The following FBXW7 variants were observed in gnomAD, a reference collection of about 807,000 sequenced individuals.
FBXW7 encodes F-box/WD repeat-containing protein 7.
A neutral mutation model predicts 86.3 loss-of-function variants in FBXW7; 11 were observed. The ratio of observed to expected loss-of-function variants is 0.13; its 90% CI spans 0.08 to 0.21. The LOEUF (loss-of-function observed/expected upper bound fraction) is 0.21. Among genes scored for constraint, FBXW7 ranks in the 10% least tolerant of loss-of-function variants. The probability of loss-of-function intolerance (pLI) is 1.00; values close to 1 mark genes in which losing one functional copy is unlikely to be tolerated. For synonymous variants in FBXW7, 313 were observed against 297.9 expected, an observed-to-expected ratio of 1.05 and a Z score of -0.52; for missense variants, 488 against 847.4, an observed-to-expected ratio of 0.58 and a Z score of 5.27.
chr4:152,518,542 T>G (rs535866173), intron 2 of FBXW7, among the ~76,000 whole-genome samples: 1 of 152,072 alleles, frequency 6.6e-6, no homozygotes, highest in South Asian at 2.1e-4. Context: ...AGCAATCCTT[T>G]TGCCTCAGCC....
At chr4:152,390,526 C>A (rs1173442934) in intron 4 of FBXW7, among the ~76,000 whole-genome samples, 1 of 152,030 alleles carries the variant, frequency 6.6e-6, no homozygotes, top group Non-Finnish European at 1.5e-5. Context: ...ACAGTAATTA[C>A]AGGTATTTCA....
chr4:152,366,892 A>G (rs945142136), intron 4 of FBXW7, among the ~76,000 whole-genome samples: 27 of 152,202 alleles, frequency 1.8e-4, no homozygotes, highest in Non-Finnish European at 2.9e-4. Context: ...TCCATCAATG[A>G]TAGACTGGAT....
intron 4 of FBXW7, among the ~76,000 whole-genome samples, chr4:152,368,535 G>T (rs149871847): frequency 2.0e-5 from 3 of 152,046 alleles, no homozygotes; most frequent in African/African-American, 7.2e-5. Flanking sequence ...TTGTGAATCA[G>T]TTCTTTAAAT....
chr4:152,361,309 A>G (rs1732916356), intron 4 of FBXW7, among the ~76,000 whole-genome samples: 1 of 152,198 alleles, frequency 6.6e-6, no homozygotes, highest in Non-Finnish European at 1.5e-5. Flanking sequence ...CATTTTTAAA[A>G]CATTAATTTA....
intron 2 of FBXW7, among the ~76,000 whole-genome samples, chr4:152,508,308 A>G (rs542809341): frequency 2.0e-5 from 3 of 152,310 alleles, no homozygotes; most frequent in African/African-American, 7.2e-5. Context: ...ATACATAACA[A>G]GGGAAAGTTC....
At chr4:152,337,132 T>C (rs1439019060) in intron 7 of FBXW7, among the ~76,000 whole-genome samples, 1 of 151,914 alleles carries the variant, frequency 6.6e-6, no homozygotes, top group Non-Finnish European at 1.5e-5. Context: ...TGAATGCCCA[T>C]ATAATCAGTC....
chr4:152,494,905 A>G (rs577215866), intron 2 of FBXW7, among the ~76,000 whole-genome samples: 33 of 152,320 alleles, frequency 2.2e-4, no homozygotes, highest in Middle Eastern at 6.8e-3. Flanking sequence ...TTGATGAAGA[A>G]ACAAATATAA....
chr4:152,514,590 T>C (rs1395196506), intron 2 of FBXW7, among the ~76,000 whole-genome samples: 1 of 152,152 alleles, frequency 6.6e-6, no homozygotes, highest in Non-Finnish European at 1.5e-5. Flanking sequence ...CATAAACAGC[T>C]TGTGCTATCC....
chr4:152,377,218 T>C lies in FBXW7; in HGVS notation c.502-27094A>G, dbSNP rs141914737. On this transcript the variant is annotated intron_variant, in intron 4 of 13. Coordinates refer to ENST00000281708, the MANE Select transcript of FBXW7 (RefSeq NM_001349798.2). ...GAGATTAAATACCAGCGTTCCGAACTACCTGGAAAACTGGGAGAGTTATTC... is the reference window on the plus strand; with the variant it reads ...GAGATTAAATACCAGCGTTCCGAACCACCTGGAAAACTGGGAGAGTTATTC... Among the ~76,000 whole-genome samples the C allele has an allele frequency of 1.7e-3, 254 of 152,322 alleles. 1 individual carries two copies. Among genetic ancestry groups the C allele is most frequent in the African/African-American group, 5.8e-3 (243 of 41,588 alleles).
Position 152,352,954 on chromosome 4 carries a change from G to A in FBXW7, c.502-2830C>T, listed in dbSNP as rs1731996071. The stretch of plus-strand genomic sequence containing the variant: ...TATGGTGATCCGCTCCAGGGAACCC[G>A]TAAGAACACAACGCACTGAACAGAG... On this transcript the variant is annotated intron_variant, in intron 4 of 13. Coordinates refer to ENST00000281708, the MANE Select transcript of FBXW7 (RefSeq NM_001349798.2). 5.0e-6 allele frequency: 7 copies of A among 1,394,228 alleles called. No homozygotes were observed. In the South Asian group the frequency reaches 8.4e-5, roughly 17 times the overall value. 86.4% of individuals were successfully genotyped at this position (1,394,228 alleles called of 1,614,324 possible).
intron 2 of FBXW7, among the ~76,000 whole-genome samples, chr4:152,434,958 TC>T (rs11321808): frequency 0.49 from 63,038 of 129,024 alleles, 15,422 homozygotes; most frequent in African/African-American, 0.7. Flanking sequence ...TTCCCCCCGC[TC>T]CCCCCCCCCC....
At chr4:152,482,978 T>G (rs1745014529) in intron 2 of FBXW7, among the ~76,000 whole-genome samples, 1 of 152,132 alleles carries the variant, frequency 6.6e-6, no homozygotes, top group Non-Finnish European at 1.5e-5. Flanking sequence ...TGTGGGATAT[T>G]TTGCCATACC....
chr4:152,470,736 C>A (rs1253524931), intron 2 of FBXW7, among the ~76,000 whole-genome samples: 1 of 152,048 alleles, frequency 6.6e-6, no homozygotes, highest in East Asian at 1.9e-4. Context: ...ATTTATGAAG[C>A]TCTTCTTGTC....
At chr4:152,387,836 G>A (rs981860213) in intron 4 of FBXW7, among the ~76,000 whole-genome samples, 1 of 150,466 alleles carries the variant, frequency 6.6e-6, no homozygotes, top group African/African-American at 2.4e-5. Context: ...AGTCTCCTGA[G>A]CAGCTGGGAT....
intron 2 of FBXW7, among the ~76,000 whole-genome samples, chr4:152,470,380 TTCTGGTATC>T (rs1416880067): frequency 6.6e-6 from 1 of 152,116 alleles, no homozygotes; most frequent in Non-Finnish European, 1.5e-5. Flanking sequence ...ATGTAACACA[TTCTGGTATC>T]TAGTTACCAT....
intron 4 of FBXW7, among the ~76,000 whole-genome samples, chr4:152,361,205 C>CT (rs1356429814): frequency 6.6e-6 from 1 of 152,064 alleles, no homozygotes; most frequent in Admixed American, 6.6e-5. Flanking sequence ...CTTGCTTGTT[C>CT]TTTAAGTATT....
At chr4:152,425,163 A>G (rs563644813) in intron 2 of FBXW7, among the ~76,000 whole-genome samples, 68 of 152,352 alleles carry the variant, frequency 4.5e-4, no homozygotes, top group African/African-American at 1.6e-3. Flanking sequence ...TGACAGTGTC[A>G]GCTTCCTCCT....
intron 2 of FBXW7, among the ~76,000 whole-genome samples, chr4:152,415,996 A>G (rs74289466): frequency 0.014 from 2,079 of 152,268 alleles, 25 homozygotes; most frequent in Middle Eastern, 0.037. Context: ...TATAAAAGCA[A>G]AAATAGTACC....
intron 2 of FBXW7, among the ~76,000 whole-genome samples, chr4:152,419,494 A>AAAACAAAC (rs370794631): frequency 8.1e-6 from 1 of 123,264 alleles, no homozygotes; most frequent in African/African-American, 3.0e-5. Flanking sequence ...GGATAAGGTA[A>AAAACAAAC]ACACACACAC....
Sources: gnomAD v4.1 joint callset for allele counts (sites outside exome capture counted in the v4.1 genomes callset) on GRCh38, gnomAD v4.1.1 for gene constraint, MANE v1.5 for transcripts, NCBI Gene and HGNC (gene_info 2026-07-23, HGNC 2026-07-21) for gene names.